Variants in XRN2 observed in about 807,000 individuals in gnomAD.
XRN2 encodes 5'-3' exoribonuclease 2.
XRN2 carries 44 observed loss-of-function variants against 138.5 expected under a neutral mutation model. The ratio of observed to expected loss-of-function variants is 0.32; its 90% CI spans 0.25 to 0.41. XRN2 has a LOEUF of 0.41. XRN2 is among the 10% of genes least tolerant of loss of function. The pLI is 1.00. For missense variants in XRN2, 937 were observed against 1,169.3 expected (o/e 0.80, Z 2.90); for synonymous variants, 354 against 369.4 (o/e 0.96, Z 0.48).
Position 21,312,714 on chromosome 20 carries a change from A to G in XRN2, c.75+9241A>G, listed in dbSNP as rs574588808. On this transcript the variant is annotated intron_variant, in intron 1 of 29. Transcript: ENST00000377191. ...AACCTCTGCCTCCTGGGTTCAAGCC[A>G]TTCTTCCTCAGCCTCCCAAATAACT... is the stretch of plus-strand genomic sequence containing the variant. Among the ~76,000 whole-genome samples the G allele has an allele frequency of 3.3e-5, 5 of 149,744 alleles. No homozygotes were observed. In the South Asian group the frequency reaches 1.0e-3, roughly 31 times the overall value.
rs149332977 is a variant in XRN2 at position 21,308,345 on chromosome 20, T to C, written c.75+4872T>C. ...ACAAGTCATTGTAGGGACGTATGCT[T>C]GCATTTGTTTGGGGGAAAAACATTA... On this transcript the variant is annotated intron_variant, in intron 1 of 29. Transcript: ENST00000377191. Among the ~76,000 whole-genome samples the C allele has an allele frequency of 1.8e-3, 272 of 152,336 alleles. 2 individuals are homozygous for C. The highest frequency in any genetic ancestry group is 6.2e-3 in the African/African-American group (256 of 41,588).
chr20:21,375,225 T>C (rs1011380526), intron 27 of XRN2, among the ~76,000 whole-genome samples: 5 of 151,534 alleles, frequency 3.3e-5, no homozygotes, highest in African/African-American at 1.2e-4. Context: ...TTTATTGTTT[T>C]TTTTTCCTCC....
intron 26 of XRN2, among the ~76,000 whole-genome samples, chr20:21,365,960 C>T (rs2038693204): frequency 9.3e-6 from 1 of 107,112 alleles, no homozygotes; most frequent in South Asian, 2.7e-4. Context: ...TATATAATTA[C>T]AGGAGTGAGC....
chr20:21,379,557 G>T (rs2038860480), intron 27 of XRN2, among the ~76,000 whole-genome samples: 1 of 152,166 alleles, frequency 6.6e-6, no homozygotes, highest in African/African-American at 2.4e-5. Context: ...ATTTTTGTAT[G>T]TGCTGAGTTT....
intron 27 of XRN2, among the ~76,000 whole-genome samples, chr20:21,378,499 C>T (rs568140018): frequency 2.0e-5 from 3 of 152,290 alleles, no homozygotes; most frequent in African/African-American, 7.2e-5. Flanking sequence ...TTGGTCATTG[C>T]CCCAGTTTCC....
chr20:21,344,494 G>A (rs6113200), intron 16 of XRN2, among the ~76,000 whole-genome samples: 1 of 152,124 alleles, frequency 6.6e-6, no homozygotes, highest in Non-Finnish European at 1.5e-5. Flanking sequence ...ATCATATCTA[G>A]GTGTTTAGCT....
intron 24 of XRN2, among the ~76,000 whole-genome samples, chr20:21,359,890 C>A (rs1396389676): frequency 2.0e-5 from 3 of 151,728 alleles, no homozygotes; most frequent in African/African-American, 7.3e-5. Flanking sequence ...CATTTTTTTC[C>A]TCTTCCTTAT....
At chr20:21,364,005 C>T (rs1471436919) in intron 24 of XRN2, among the ~76,000 whole-genome samples, 1 of 151,968 alleles carries the variant, frequency 6.6e-6, no homozygotes, top group Non-Finnish European at 1.5e-5. Flanking sequence ...GGTCTTGGCT[C>T]ACTGCGACCT....
At chr20:21,324,959 G>A (rs1205188932) in intron 1 of XRN2, among the ~76,000 whole-genome samples, 4 of 152,128 alleles carry the variant, frequency 2.6e-5, no homozygotes, top group African/African-American at 9.7e-5. Context: ...AAAGTAATTA[G>A]CAGTTGCTAC....
At chr20:21,349,845 T>G (rs1160340920) in intron 20 of XRN2, among the ~76,000 whole-genome samples, 1 of 152,228 alleles carries the variant, frequency 6.6e-6, no homozygotes, top group Non-Finnish European at 1.5e-5. Context: ...TTAGCAATGA[T>G]TAATAGTAAA....
intron 27 of XRN2, among the ~76,000 whole-genome samples, chr20:21,370,518 T>C (rs1193422762): frequency 6.6e-6 from 1 of 152,240 alleles, no homozygotes; most frequent in Non-Finnish European, 1.5e-5. Flanking sequence ...ATATGGATCG[T>C]CATCACTTAG....
Position 21,354,796 on chromosome 20 carries a change from T to C in XRN2, c.1944T>C (p.Ala648=). Residue 648 remains alanine, a synonymous_variant, in exon 21 of 30, where the codon GCT becomes GCC. Transcript: ENST00000377191. Reference sequence around the variant, plus strand: ...TTGCACTTGTTTTTTCAGGTGTTGCTCTCTTGCCATTCGTGGATGAGCGAA... The same window carrying C: ...TTGCACTTGTTTTTTCAGGTGTTGCCCTCTTGCCATTCGTGGATGAGCGAA... ...NGKKYAWQGV[A]LLPFVDERRL... 1 of 1,613,926 alleles carries C rather than the reference T, an allele frequency of 6.2e-7. No homozygotes were observed. The highest frequency in any genetic ancestry group is 8.5e-7 in the Non-Finnish European group (1 of 1,179,920).
At chr20:21,384,883 TGTAA>T (rs2038921809) in intron 28 of XRN2, among the ~76,000 whole-genome samples, 1 of 152,240 alleles carries the variant, frequency 6.6e-6, no homozygotes, top group South Asian at 2.1e-4. Flanking sequence ...TTTTTAGTTT[TGTAA>T]GTATTTGCAA....
At chr20:21,341,422 CCT>C (rs914594501) in intron 15 of XRN2, among the ~76,000 whole-genome samples, 93 of 152,294 alleles carry the variant, frequency 6.1e-4, no homozygotes, top group African/African-American at 2.2e-3. Context: ...CTGGTTACTC[CCT>C]GTTTGTGAAC....
At position 21,305,614 on chromosome 20, in the gene XRN2, A is replaced by G. The variant is rs376766542; in HGVS notation, c.75+2141A>G. Reference sequence around the variant, plus strand: ...GAGACGGGGTTTTGCCATGTTGGCTATGCTGGTCTCTGTCCTGACCACACG... The same window carrying G: ...GAGACGGGGTTTTGCCATGTTGGCTGTGCTGGTCTCTGTCCTGACCACACG... On this transcript the variant is annotated intron_variant, in intron 1 of 29. Transcript: ENST00000377191. 2.1e-3 allele frequency among the ~76,000 whole-genome samples: 102 copies of G among 49,562 alleles called. 39 individuals carry two copies. The East Asian group carries it at 0.046, about 23-fold the overall frequency. The allele number at this position is 49,562 out of a possible 152,430, so 32.5% of individuals were successfully genotyped here.
rs117698889 is a variant in XRN2, at chr20:21,369,211, C to T, written c.2584+621C>T. Among the ~76,000 whole-genome samples, 20 of 152,290 alleles carry T rather than the reference C, an allele frequency of 1.3e-4. No homozygotes were observed. In the East Asian group the frequency reaches 2.5e-3, roughly 19 times the overall value. On this transcript the variant is annotated intron_variant, in intron 27 of 29. Coordinates refer to ENST00000377191, the MANE Select transcript of XRN2 (RefSeq NM_012255.5). ...TTGTTTCATGTAACATAACGACCTCCGTTTCCATCCACATTGTTACAGGTG... is the reference window on the plus strand; with the variant it reads ...TTGTTTCATGTAACATAACGACCTCTGTTTCCATCCACATTGTTACAGGTG...
chr20:21,368,628 T>C (rs374348503), intron 27 of XRN2, 38 bp downstream of exon 27: 2 of 1,607,396 alleles, frequency 1.2e-6, no homozygotes, highest in Non-Finnish European at 1.7e-6. Flanking sequence ...CATTATAAAT[T>C]AAATATCACA....
chr20:21,314,413 A>G (rs917779445), intron 1 of XRN2, among the ~76,000 whole-genome samples: 4 of 152,114 alleles, frequency 2.6e-5, no homozygotes, highest in African/African-American at 7.2e-5. Flanking sequence ...TTATGTTTCT[A>G]TGTGGATATG....
Position 21,333,811 on chromosome 20 carries a change from C to T in XRN2, c.1041C>T (p.Leu347=), listed in dbSNP as rs778502022. ...GCTTCTTTGTGGGAAATGACTTCCT[C>T]CCTCATTTGCCATCGTTAGAGATTA... ...FMCFFVGNDF[L]PHLPSLEIRE... The change falls in exon 11 of 30, where the codon CTC becomes CTT. Residue 347 remains leucine (L), a synonymous_variant. Transcript: ENST00000377191. 6.2e-7 allele frequency: 1 copy of T among 1,614,088 alleles called. No individual in the cohort carries two copies. Among genetic ancestry groups the T allele is most frequent in the Non-Finnish European group, 8.5e-7 (1 of 1,180,008 alleles).
Sources: allele counts gnomAD v4.1 joint callset (sites outside exome capture counted in the v4.1 genomes callset), GRCh38; gene constraint gnomAD v4.1.1; transcripts MANE v1.5; gene names NCBI Gene and HGNC (gene_info 2026-07-23, HGNC 2026-07-21).